The following PDE4B variants were observed in gnomAD, a reference collection of about 807,000 sequenced individuals.
The protein encoded by PDE4B is phosphodiesterase 4B, also known as 3',5'-cyclic-AMP phosphodiesterase 4B.
In PDE4B, 20 loss-of-function variants were observed where a neutral mutation model predicts 82.2. The observed-to-expected ratio is 0.24, with a 90% CI of 0.17 to 0.35. The LOEUF is 0.35. PDE4B is among the 10% of genes least tolerant of loss of function. PDE4B has a pLI of 1.00. For synonymous variants in PDE4B, 320 were observed against 318.9 expected (o/e 1.00, Z -0.04); for missense variants, 655 against 907.2 (o/e 0.72, Z 3.57).
At chr1:65,899,681 T>A (rs1356659125) in intron 1 of PDE4B, among the ~76,000 whole-genome samples, 1 of 148,618 alleles carries the variant, frequency 6.7e-6, no homozygotes, top group African/African-American at 2.5e-5. Flanking sequence ...TATATATATA[T>A]AATGGAATAG....
At chr1:66,214,123 A>C (rs1356482264) in intron 3 of PDE4B, among the ~76,000 whole-genome samples, 2 of 152,194 alleles carry the variant, frequency 1.3e-5, no homozygotes, top group Non-Finnish European at 2.9e-5. Flanking sequence ...AGGCTAAGCA[A>C]CATCCCATTT....
At position 66,247,555 on chromosome 1, in the gene PDE4B, G is replaced by C. The variant is rs779517697; in HGVS notation, c.377G>C (p.Gly126Ala). Reference sequence around the variant, plus strand: ...CTGGTACTTCACGCCACCTTTCCTGGGCACAGCCAGCGCAGAGAGTCATTT... The same window carrying C: ...CTGGTACTTCACGCCACCTTTCCTGCGCACAGCCAGCGCAGAGAGTCATTT... The part of the protein sequence containing the change: ...AGLVLHATFP[G>A]HSQRRESFLY... Residue 126 changes from glycine (G) to alanine (A), a missense_variant, in exon 4 of 17, where the codon GGG becomes GCG. This residue lies in a region of PDE4B where 253 missense variants were observed against 275.6 expected (regional missense o/e 0.92). Coordinates refer to ENST00000341517, the MANE Select transcript of PDE4B (RefSeq NM_002600.4). 1 of 1,612,160 alleles carries C rather than the reference G, an allele frequency of 6.2e-7. No homozygotes were observed. Among genetic ancestry groups the C allele is most frequent in the South Asian group, 1.1e-5 (1 of 90,930 alleles).
chr1:65,861,586 A>T (rs1318304705), intron 1 of PDE4B, among the ~76,000 whole-genome samples: 1 of 152,186 alleles, frequency 6.6e-6, no homozygotes, highest in Non-Finnish European at 1.5e-5. Flanking sequence ...TCTGCAATGA[A>T]GGTCAATGGT....
intron 3 of PDE4B, among the ~76,000 whole-genome samples, chr1:66,044,916 A>G (rs1654604879): frequency 6.6e-6 from 1 of 151,786 alleles, no homozygotes; most frequent in Middle Eastern, 3.2e-3. Flanking sequence ...TACAAAATAT[A>G]AACTTGAGTA....
intron 1 of PDE4B, among the ~76,000 whole-genome samples, chr1:65,843,555 A>T (rs1297995175): frequency 1.3e-5 from 2 of 152,298 alleles, no homozygotes; most frequent in East Asian, 3.9e-4. Flanking sequence ...AAGAATGTTC[A>T]TTGGTGTATA....
At chr1:65,849,867 T>C (rs566397451) in intron 1 of PDE4B, among the ~76,000 whole-genome samples, 1 of 152,230 alleles carries the variant, frequency 6.6e-6, no homozygotes, top group South Asian at 2.1e-4. Context: ...AGGATTCAGT[T>C]CGATTATTAC....
rs755008936 is a variant in PDE4B, at chr1:65,992,857, T to C, written c.281+74022T>C. ...CTGACCTGCAGCAGTGTCTCTGCTA[T>C]GTTTGAGATTTTTGTTTTGGATGGT... On this transcript the variant is annotated intron_variant, in intron 3 of 16. Coordinates refer to ENST00000341517, the MANE Select transcript of PDE4B (RefSeq NM_002600.4). 3 of 1,593,532 alleles carry C rather than the reference T, an allele frequency of 1.9e-6. No individual in the cohort carries two copies. In the Admixed American group the frequency reaches 5.3e-5, roughly 28 times the overall value.
At chr1:65,874,549 T>G (rs1383207540) in intron 1 of PDE4B, among the ~76,000 whole-genome samples, 4 of 152,250 alleles carry the variant, frequency 2.6e-5, no homozygotes, top group Admixed American at 6.5e-5. Context: ...CAAACTCTAC[T>G]ACAAGGCTAC....
chr1:66,145,755 A>C (rs1318331345), intron 3 of PDE4B, among the ~76,000 whole-genome samples: 1 of 152,192 alleles, frequency 6.6e-6, no homozygotes, highest in Non-Finnish European at 1.5e-5. Flanking sequence ...GGTATGAGAT[A>C]AAACAAAGAA....
At chr1:66,268,688 A>G (rs201057353) in intron 7 of PDE4B, among the ~76,000 whole-genome samples, 13 of 150,710 alleles carry the variant, frequency 8.6e-5, no homozygotes, top group Middle Eastern at 3.4e-3. Context: ...AAAAAAAAAA[A>G]AAAGAAAGAA....
At chr1:65,803,864 A>G (rs1645724299) in intron 1 of PDE4B, among the ~76,000 whole-genome samples, 1 of 152,214 alleles carries the variant, frequency 6.6e-6, no homozygotes, top group Admixed American at 6.5e-5. Flanking sequence ...TAAATTTTAA[A>G]TAGGAAGTTG....
intron 3 of PDE4B, among the ~76,000 whole-genome samples, chr1:65,927,212 T>G (rs560251908): frequency 1.1e-3 from 165 of 151,904 alleles, no homozygotes; most frequent in African/African-American, 3.8e-3. Context: ...TAACATTGTT[T>G]AGTTTTTTCA....
chr1:66,301,072 G>C (rs1443966153), intron 7 of PDE4B, among the ~76,000 whole-genome samples: 1 of 152,144 alleles, frequency 6.6e-6, no homozygotes, highest in African/African-American at 2.4e-5. Context: ...GTGGCTCTCT[G>C]AGACACTTAG....
chr1:65,836,841 A>G (rs565351503), intron 1 of PDE4B, among the ~76,000 whole-genome samples: 1 of 152,286 alleles, frequency 6.6e-6, no homozygotes, highest in South Asian at 2.1e-4. Context: ...TGAAGGCAAA[A>G]GGGCATGCCT....
chr1:65,916,745 G>A (rs1647164639), intron 2 of PDE4B, among the ~76,000 whole-genome samples: 1 of 151,040 alleles, frequency 6.6e-6, no homozygotes, highest in South Asian at 2.1e-4. Context: ...TACACACATA[G>A]ACACACACAC....
chr1:65,838,921 A>G (rs1017911453), intron 1 of PDE4B, among the ~76,000 whole-genome samples: 1 of 152,178 alleles, frequency 6.6e-6, no homozygotes, highest in Non-Finnish European at 1.5e-5. Context: ...TTTCTGTGGA[A>G]CCAAAAATAC....
intron 3 of PDE4B, among the ~76,000 whole-genome samples, chr1:66,172,913 T>C (rs923199196): frequency 1.3e-5 from 2 of 152,260 alleles, no homozygotes; most frequent in African/African-American, 4.8e-5. Flanking sequence ...CTTTTTGGTA[T>C]GTACTTAGTA....
At chr1:66,244,392 G>A (rs1459030408) in intron 3 of PDE4B, among the ~76,000 whole-genome samples, 3 of 152,056 alleles carry the variant, frequency 2.0e-5, no homozygotes, top group Non-Finnish European at 4.4e-5. Context: ...TCCTGATGAA[G>A]GCAGAGGCAA....
At chr1:66,094,032 A>T (rs1203518401) in intron 3 of PDE4B, among the ~76,000 whole-genome samples, 1 of 152,138 alleles carries the variant, frequency 6.6e-6, no homozygotes, top group Non-Finnish European at 1.5e-5. Flanking sequence ...AGACAAAAAC[A>T]CATAATCTAA....
Sources: gnomAD v4.1 joint callset for allele counts (sites outside exome capture counted in the v4.1 genomes callset) on GRCh38, gnomAD v4.1.1 for gene constraint, gnomAD v4.1.1 regional missense constraint, MANE v1.5 for transcripts, NCBI Gene and HGNC (gene_info 2026-07-23, HGNC 2026-07-21) for gene names.